Variants in MAN1C1 observed in about 807,000 individuals in gnomAD.
MAN1C1 encodes the protein mannosyl-oligosaccharide 1,2-alpha-mannosidase IC.
MAN1C1 carries 49 observed loss-of-function variants against 71.5 expected under a neutral mutation model. The observed-to-expected ratio is 0.69, with a 90% CI of 0.54 to 0.87. The LOEUF is 0.87. Among genes scored for constraint, MAN1C1 ranks in the 40% least tolerant of loss-of-function variants. MAN1C1 has a pLI of 0.00. For missense variants in MAN1C1, 743 were observed against 835.0 expected, an observed-to-expected ratio of 0.89 and a Z score of 1.36; for synonymous variants, 352 against 343.7, an observed-to-expected ratio of 1.02 and a Z score of -0.27.
At chr1:25,724,026 C>CTTT (rs1209904579) in intron 2 of MAN1C1, among the ~76,000 whole-genome samples, 1 of 135,478 alleles carries the variant, frequency 7.4e-6, no homozygotes, top group South Asian at 2.3e-4. Context: ...GACTGCCTAC[C>CTTT]TTTTTTTTTT....
At chr1:25,647,118 C>T (rs549140672) in intron 1 of MAN1C1, among the ~76,000 whole-genome samples, 1 of 152,284 alleles carries the variant, frequency 6.6e-6, no homozygotes, top group African/African-American at 2.4e-5. Context: ...GAGTGACCCT[C>T]AGTGGAGGGT....
intron 1 of MAN1C1, among the ~76,000 whole-genome samples, chr1:25,664,517 T>C (rs1052407075): frequency 2.6e-5 from 4 of 152,220 alleles, no homozygotes; most frequent in African/African-American, 9.7e-5. Context: ...ACAGATAATT[T>C]GTCTAGCCAA....
chr1:25,691,844 T>C (rs1480197351), intron 2 of MAN1C1, among the ~76,000 whole-genome samples: 1 of 152,190 alleles, frequency 6.6e-6, no homozygotes, highest in Non-Finnish European at 1.5e-5. Flanking sequence ...GTTCACAATC[T>C]TGGAATAAAT....
intron 2 of MAN1C1, among the ~76,000 whole-genome samples, chr1:25,719,395 T>A (rs535625008): frequency 2.3e-3 from 319 of 139,988 alleles, no homozygotes; most frequent in African/African-American, 8.0e-3. Context: ...ATTTTTTATC[T>A]TTTATTTATT....
Position 25,783,825 on chromosome 1 carries a change from G to C in MAN1C1, c.*36G>C. The C allele has an allele frequency of 6.3e-7, 1 of 1,599,198 alleles. No individual in the cohort carries two copies. The highest frequency in any genetic ancestry group is 8.5e-7 in the Non-Finnish European group (1 of 1,176,532). On this transcript the variant is annotated 3_prime_UTR_variant, in exon 12 of 12. Coordinates refer to ENST00000374332, the MANE Select transcript of MAN1C1 (RefSeq NM_020379.4). ...TGCCGCCGCCCTGGGGCCGCCGCAG[G>C]GATGCCTTGCCTTTTCAGGATTTGA... is the stretch of plus-strand genomic sequence containing the variant.
intron 1 of MAN1C1, among the ~76,000 whole-genome samples, chr1:25,649,681 A>C (rs1481269072): frequency 6.6e-6 from 1 of 152,140 alleles, no homozygotes; most frequent in African/African-American, 2.4e-5. Context: ...TCTGTCGCCC[A>C]GGCTGGAGTA....
intron 2 of MAN1C1, among the ~76,000 whole-genome samples, chr1:25,696,727 G>A (rs563499123): frequency 2.0e-5 from 3 of 152,076 alleles, no homozygotes; most frequent in Non-Finnish European, 2.9e-5. Flanking sequence ...GCTCACTGCA[G>A]CCTCTAACTC....
At chr1:25,757,499 ACGGG>A (rs1379654980) in intron 5 of MAN1C1, among the ~76,000 whole-genome samples, 985 of 35,230 alleles carry the variant, frequency 0.028, 17 homozygotes, top group African/African-American at 0.23. Context: ...AAACTGAGGC[ACGGG>A]GGGGGGGGGC....
At chr1:25,646,463 A>G (rs1047508535) in intron 1 of MAN1C1, 3 of 152,162 alleles carry the variant, frequency 2.0e-5, no homozygotes, top group Non-Finnish European at 2.9e-5. Flanking sequence ...ATAAAAATAT[A>G]TGTTAGCCAT....
chr1:25,662,042 T>C (rs1373246704), intron 1 of MAN1C1, among the ~76,000 whole-genome samples: 1 of 152,082 alleles, frequency 6.6e-6, no homozygotes, highest in Non-Finnish European at 1.5e-5. Context: ...CTCTCTGGAG[T>C]CATCAGGCCC....
intron 2 of MAN1C1, among the ~76,000 whole-genome samples, chr1:25,694,381 C>T (rs548322108): frequency 8.5e-5 from 13 of 152,284 alleles, no homozygotes; most frequent in Non-Finnish European, 1.6e-4. Context: ...AATTGGATTC[C>T]GCCTCTGCCT....
chr1:25,647,438 C>T (rs1415120660), intron 1 of MAN1C1, among the ~76,000 whole-genome samples: 2 of 152,050 alleles, frequency 1.3e-5, no homozygotes, highest in Non-Finnish European at 2.9e-5. Context: ...AGAGGTGGGT[C>T]CAAGCCCAGC....
chr1:25,625,446 C>A (rs1003493182), intron 1 of MAN1C1, among the ~76,000 whole-genome samples: 1 of 152,300 alleles, frequency 6.6e-6, no homozygotes, highest in Non-Finnish European at 1.5e-5. Context: ...CCATCATCAA[C>A]CTCTCACCTA....
At chr1:25,696,731 CT>C (rs1488560895) in intron 2 of MAN1C1, among the ~76,000 whole-genome samples, 3 of 152,194 alleles carry the variant, frequency 2.0e-5, no homozygotes, top group African/African-American at 7.2e-5. Flanking sequence ...ACTGCAGCCT[CT>C]AACTCCTGGG....
chr1:25,767,619 C>T (rs1277616162), intron 7 of MAN1C1, among the ~76,000 whole-genome samples: 4 of 83,604 alleles, frequency 4.8e-5, no homozygotes, highest in Non-Finnish European at 1.1e-4. Context: ...TACATCCACA[C>T]TCCCCTCACA....
chr1:25,728,024 A>C (rs1246997745), intron 2 of MAN1C1, among the ~76,000 whole-genome samples: 1 of 152,272 alleles, frequency 6.6e-6, no homozygotes, highest in Non-Finnish European at 1.5e-5. Context: ...GGAACAAGTT[A>C]TCAGAGAGAG....
chr1:25,701,770 A>G (rs2046447388), intron 2 of MAN1C1, among the ~76,000 whole-genome samples: 1 of 152,256 alleles, frequency 6.6e-6, no homozygotes, highest in Admixed American at 6.5e-5. Context: ...CTTTAAAAAT[A>G]AAGCCATGAT....
intron 1 of MAN1C1, among the ~76,000 whole-genome samples, chr1:25,642,653 T>C (rs570119620): frequency 4.6e-5 from 7 of 152,270 alleles, no homozygotes; most frequent in Admixed American, 2.0e-4. Flanking sequence ...TAGCAAATTC[T>C]TTGGCTAATA....
chr1:25,744,148 A>G (rs2047096769), intron 2 of MAN1C1, among the ~76,000 whole-genome samples: 1 of 152,150 alleles, frequency 6.6e-6, no homozygotes, highest in Admixed American at 6.5e-5. Context: ...GGCCTGAGCT[A>G]CAGCCAGGAG....
Sources: gnomAD v4.1 joint callset for allele counts (sites outside exome capture counted in the v4.1 genomes callset) on GRCh38, gnomAD v4.1.1 for gene constraint, MANE v1.5 for transcripts, NCBI Gene and HGNC (gene_info 2026-07-23, HGNC 2026-07-21) for gene names.